The following INO80 variants were observed in gnomAD, a reference collection of about 807,000 sequenced individuals.
The protein encoded by INO80 is INO80 complex ATPase subunit, also known as chromatin-remodeling ATPase INO80.
INO80 carries 20 observed loss-of-function variants against 203.4 expected under a neutral mutation model. The ratio of observed to expected loss-of-function variants is 0.10; its 90% confidence interval spans 0.07 to 0.14. The LOEUF (loss-of-function observed/expected upper bound fraction) is 0.14. Among genes scored for constraint, INO80 ranks in the 10% least tolerant of loss-of-function variants. The probability of loss-of-function intolerance (pLI) is 1.00; values close to 1 mark genes in which losing one functional copy is unlikely to be tolerated. For synonymous variants in INO80, 726 were observed against 685.2 expected (o/e 1.06, Z -0.93); for missense variants, 1,419 against 1,914.4 (o/e 0.74, Z 4.83).
rs1893752917 is a variant in INO80 at position 40,979,902 on chromosome 15, CA to C, written c.*320del. ...CCGAAGAGTGGAATCGGGATGGAAA[CA>C]GTATGCCTGAGCATCTAAAGGGGGT... is the stretch of plus-strand genomic sequence containing the variant. On this transcript the variant is annotated 3_prime_UTR_variant, in exon 36 of 36. Transcript: ENST00000648947. 2.7e-6 allele frequency: 1 copy of C among 372,044 alleles called. No individual in the cohort carries two copies. The highest frequency in any genetic ancestry group is 5.1e-6 in the Non-Finnish European group (1 of 197,844). The allele number at this position is 372,044 out of a possible 1,614,324, so 23.0% of individuals were successfully genotyped here. A position where few individuals can be genotyped will look rare whatever the true frequency, so the allele number is the denominator to read the frequency against.
In INO80 at chr15:41,092,832, G is replaced by T. The variant is rs370903800; in HGVS notation, c.382-650C>A. 8.5e-5 allele frequency among the ~76,000 whole-genome samples: 13 copies of T among 152,230 alleles called. No individual in the cohort carries two copies. In the South Asian group the frequency reaches 2.7e-3, roughly 32 times the overall value. ...AACACTTTGGCAGGCCCAGGCATGA[G>T]GATTGCTTGAGGCCGGGAGTTCGAG... On this transcript the variant is annotated intron_variant, in intron 4 of 35. Transcript: ENST00000648947.
In INO80 at chr15:41,096,254, G is replaced by T; in HGVS notation, c.57C>A (p.Pro19=). The change falls in exon 2 of 36, where the codon CCC becomes CCA. Residue 19 remains proline (P), a synonymous_variant. Coordinates refer to ENST00000648947, the MANE Select transcript of INO80 (RefSeq NM_017553.3). ...DDGGCTELAK[P]LYLQYLERAL... is the part of the protein sequence containing the mutation. ...CCCTCTCCAAGTACTGAAGATAGAG[G>T]GGCTTTGCCAGCTCAGTGCAGCCTC... 2 of 1,606,288 alleles carry T rather than the reference G, an allele frequency of 1.2e-6. No homozygotes were observed. The highest frequency in any genetic ancestry group is 1.7e-5 in the Admixed American group (1 of 57,912).
chr15:41,095,772 T>C lies in INO80; in HGVS notation c.300A>G (p.Gly100=). Residue 100 remains glycine (G), a synonymous_variant, in exon 3 of 36, where the codon GGA becomes GGG. Coordinates refer to ENST00000648947, the MANE Select transcript of INO80 (RefSeq NM_017553.3). ...CACCACACTGACCTGACTGTAGAAC[T>C]CCATTCAGAGAATATGTGTTTAACA... ...SGMLNTYSLN[G]VLQSESKCDK... 6.2e-7 allele frequency: 1 copy of C among 1,614,134 alleles called. No homozygotes were observed. Among genetic ancestry groups the C allele is most frequent in the Non-Finnish European group, 8.5e-7 (1 of 1,180,010 alleles).
Position 40,984,291 on chromosome 15 carries a change from G to A in INO80, c.3983C>T (p.Pro1328Leu). 6.2e-7 allele frequency: 1 copy of A among 1,614,052 alleles called. No individual in the cohort carries two copies. The highest frequency in any genetic ancestry group is 8.5e-7 in the Non-Finnish European group (1 of 1,179,968). Residue 1328 changes from proline (P) to leucine (L), a missense_variant, in exon 33 of 36, where the codon CCA becomes CTA. Pro to Leu is a moderately conservative substitution (Grantham distance 98, BLOSUM62 -3). Transcript: ENST00000648947. ...RRKEGVNLVI[P>L]FVPSADNSNL... is the part of the protein sequence containing the mutation. Reference sequence around the variant, plus strand: ...GGAGTTATCAGCCGAGGGAACAAATGGGATCACCAGGTTCACACCCTCTTT... The same window carrying A: ...GGAGTTATCAGCCGAGGGAACAAATAGGATCACCAGGTTCACACCCTCTTT...
At chr15:41,082,328 T>G (rs564465955) in intron 7 of INO80, among the ~76,000 whole-genome samples, 4 of 148,544 alleles carry the variant, frequency 2.7e-5, no homozygotes, top group Non-Finnish European at 4.5e-5. Context: ...CTTTGGGAGG[T>G]TGAGGCAGGA....
chr15:41,061,981 T>C (rs964691953), intron 14 of INO80, among the ~76,000 whole-genome samples: 3 of 152,202 alleles, frequency 2.0e-5, no homozygotes, highest in Non-Finnish European at 4.4e-5. Flanking sequence ...ACAGGGCTTC[T>C]TGAATCTACA....
intron 4 of INO80, among the ~76,000 whole-genome samples, chr15:41,094,615 C>T (rs1238547473): frequency 6.6e-6 from 1 of 152,130 alleles, no homozygotes; most frequent in African/African-American, 2.4e-5. Context: ...ATAAACTACT[C>T]AGGAACTTAT....
intron 1 of INO80, among the ~76,000 whole-genome samples, chr15:41,114,841 A>G (rs544398367): frequency 3.8e-4 from 58 of 152,176 alleles, no homozygotes; most frequent in Non-Finnish European, 7.6e-4. Flanking sequence ...AATTTAGGCA[A>G]AAAATATATT....
Position 40,983,075 on chromosome 15 carries a change from T to C in INO80, c.4240A>G (p.Ile1414Val). 1 of 1,612,792 alleles carries C rather than the reference T, an allele frequency of 6.2e-7. No individual in the cohort carries two copies. Among genetic ancestry groups the C allele is most frequent in the Non-Finnish European group, 8.5e-7 (1 of 1,179,392 alleles). Residue 1414 changes from isoleucine (I) to valine (V), a missense_variant and splice_region_variant, in exon 35 of 36, where the codon ATT becomes GTT. Ile to Val is a conservative substitution (Grantham distance 29). This residue lies in a region of INO80 where 214 missense variants were observed against 248.9 expected (regional missense o/e 0.86). Transcript: ENST00000648947. ...GCAGCTGGCATTTCCTGAATGGAAA[T>C]TCCTGTGGGAACAAATGGGCCAAAA... ...TGSVSDTVNG[I>V]SIQEMPAAGR...
At chr15:41,007,190 T>A (rs1442418016) in intron 27 of INO80, among the ~76,000 whole-genome samples, 1 of 146,380 alleles carries the variant, frequency 6.8e-6, no homozygotes, top group East Asian at 2.0e-4. Flanking sequence ...TTCTTTTTTT[T>A]TTTTTTTTTT....
intron 29 of INO80, 39 bp downstream of exon 29, chr15:40,997,490 A>G: frequency 1.5e-6 from 2 of 1,340,402 alleles, no homozygotes; most frequent in Non-Finnish European, 2.1e-6. Flanking sequence ...TCATAGTAGA[A>G]AACCTGCATA....
chr15:41,067,427 T>C (rs191584448), intron 14 of INO80, among the ~76,000 whole-genome samples: 95 of 151,196 alleles, frequency 6.3e-4, no homozygotes, highest in Non-Finnish European at 8.4e-4. Flanking sequence ...GAACATCATA[T>C]GAAAAAAAAA....
intron 31 of INO80, among the ~76,000 whole-genome samples, chr15:40,985,893 G>T (rs1051049270): frequency 6.6e-6 from 1 of 152,096 alleles, no homozygotes; most frequent in Admixed American, 6.5e-5. Context: ...GGGCAACACA[G>T]CAAAACTCTG....
chr15:41,041,711 G>T (rs1254053887), intron 24 of INO80, among the ~76,000 whole-genome samples: 2 of 152,102 alleles, frequency 1.3e-5, no homozygotes, highest in Admixed American at 1.3e-4. Flanking sequence ...CCAAAGTACT[G>T]GGATTAACAG....
At chr15:41,070,254 G>A (rs2045289276) in intron 13 of INO80, among the ~76,000 whole-genome samples, 1 of 152,226 alleles carries the variant, frequency 6.6e-6, no homozygotes, top group East Asian at 1.9e-4. Flanking sequence ...GGAAAGGAGT[G>A]TCTCAAAATC....
chr15:40,981,783 C>A (rs1445816800), intron 35 of INO80, among the ~76,000 whole-genome samples: 1 of 152,194 alleles, frequency 6.6e-6, no homozygotes, highest in East Asian at 1.9e-4. Flanking sequence ...GTCTGCAGCC[C>A]CTTGTCACAC....
At chr15:41,003,328 TC>T (rs1301923552) in intron 28 of INO80, among the ~76,000 whole-genome samples, 65 of 44,174 alleles carry the variant, frequency 1.5e-3, no homozygotes, top group South Asian at 0.012. Context: ...ATTTTTCTTT[TC>T]TTTTCTTTTT....
At chr15:41,077,893 A>G (rs2045429047) in intron 9 of INO80, among the ~76,000 whole-genome samples, 1 of 151,456 alleles carries the variant, frequency 6.6e-6, no homozygotes, top group Non-Finnish European at 1.5e-5. Context: ...ATTAAGAAAA[A>G]GAATAACATC....
Position 40,988,102 on chromosome 15 carries a change from CTAAG to C in INO80, c.3571-132_3571-129del, listed in dbSNP as rs1364868706. ...TCTGATTCGTTTCTATGATATTGAG[CTAAG>C]TAAGATACATCTTAGAAGATACAAA... On this transcript the variant is annotated intron_variant, in intron 29 of 35. Coordinates refer to ENST00000648947, the MANE Select transcript of INO80 (RefSeq NM_017553.3). The C allele has an allele frequency of 1.7e-5, 12 of 689,100 alleles. No homozygotes were observed. The African/African-American group carries it at 2.1e-4, about 12-fold the overall frequency. The allele number at this position is 689,100 out of a possible 1,614,324, so 42.7% of individuals were successfully genotyped here.
Sources: allele counts gnomAD v4.1 joint callset (sites outside exome capture counted in the v4.1 genomes callset), GRCh38; gene constraint gnomAD v4.1.1; regional missense constraint gnomAD v4.1.1; transcripts MANE v1.5; gene names NCBI Gene and HGNC (gene_info 2026-07-23, HGNC 2026-07-21).